DENND2C: variants seen among roughly 807,000 people sequenced by gnomAD.
DENND2C encodes DENN domain containing 2C, also known as DENN domain-containing protein 2C.
A neutral mutation model predicts 112.4 loss-of-function variants in DENND2C; 72 were observed. The observed-to-expected ratio is 0.64, with a 90% CI of 0.53 to 0.78. The LOEUF (loss-of-function observed/expected upper bound fraction) is 0.78. DENND2C is among the 30% of genes least tolerant of loss of function. The pLI is 0.00. For synonymous variants in DENND2C, 329 were observed against 381.6 expected (o/e 0.86, Z 1.61); for missense variants, 992 against 1,113.8 (o/e 0.89, Z 1.56).
intron 8 of DENND2C, among the ~76,000 whole-genome samples, chr1:114,617,929 GAAAC>G (rs1656020604): frequency 6.6e-6 from 1 of 151,732 alleles, no homozygotes; most frequent in Non-Finnish European, 1.5e-5. Flanking sequence ...ATGGATTTGA[GAAAC>G]AATCCCTTAT....
chr1:114,611,255 GGTTGT>G, intron 8 of DENND2C, 138 bp from the exon 9 acceptor site: 3 of 911,518 alleles, frequency 3.3e-6, no homozygotes, highest in Non-Finnish European at 5.0e-6. Context: ...CAAACCACTT[GGTTGT>G]ATCAAGTTGG....
chr1:114,602,080 T>A (rs1266338950), intron 12 of DENND2C, 45 bp downstream of exon 12: 1 of 1,595,876 alleles, frequency 6.3e-7, no homozygotes, highest in Non-Finnish European at 8.6e-7. Context: ...TCTGACTCAA[T>A]TATTCCTTGA....
chr1:114,612,395 A>G (rs998440988), intron 8 of DENND2C, among the ~76,000 whole-genome samples: 30 of 149,386 alleles, frequency 2.0e-4, no homozygotes, highest in African/African-American at 7.4e-4. Flanking sequence ...TCTGCTGCAC[A>G]GGCTACAGTG....
At chr1:114,660,613 C>T (rs1024126346) in intron 1 of DENND2C, among the ~76,000 whole-genome samples, 2 of 152,096 alleles carry the variant, frequency 1.3e-5, no homozygotes, top group African/African-American at 2.4e-5. Flanking sequence ...GAGACTTGCA[C>T]GGGAGGCTGG....
rs761802331 is a variant in DENND2C at position 114,601,531 on chromosome 1, C to G, written c.1792G>C (p.Gly598Arg). 4 of 1,612,972 alleles carry G rather than the reference C, an allele frequency of 2.5e-6. No homozygotes were observed. The highest frequency in any genetic ancestry group is 2.2e-5 in the South Asian group (2 of 90,882). ...ACCTTTGAAAAAAGATTGAAGCAGC[C>G]TAGGCGACTAACCATGCAGTATACC... is the stretch of plus-strand genomic sequence containing the variant. ...PEVYCMVSRLGCFNLFSKILD... is the reference protein window; with the variant it reads ...PEVYCMVSRLRCFNLFSKILD... The change falls in exon 13 of 21, where the codon GGC becomes CGC. Residue 598 changes from glycine (G) to arginine (R), a missense_variant. Physicochemically the swap from Gly to Arg is moderately radical, Grantham distance 125 (BLOSUM62 -2). Around this residue, in one of 3 missense-constraint regions of DENND2C, gnomAD observed 516 missense variants for 623.6 expected, o/e 0.83. Coordinates refer to ENST00000393274, the MANE Select transcript of DENND2C (RefSeq NM_001256404.2).
chr1:114,654,434 C>T (rs1657250763), intron 2 of DENND2C, 71 bp downstream of exon 2: 1 of 151,482 alleles, frequency 6.6e-6, no homozygotes, highest in Non-Finnish European at 1.5e-5. Context: ...ACAGCCGTCT[C>T]AAAAAAATAA....
At chr1:114,586,111 A>G (rs1317127181) in intron 20 of DENND2C, among the ~76,000 whole-genome samples, 1 of 152,188 alleles carries the variant, frequency 6.6e-6, no homozygotes, top group Non-Finnish European at 1.5e-5. Context: ...ACAAAATATA[A>G]ATATCGTAGC....
chr1:114,606,111 C>T (rs1655652102), intron 10 of DENND2C, among the ~76,000 whole-genome samples: 1 of 152,092 alleles, frequency 6.6e-6, no homozygotes, highest in African/African-American at 2.4e-5. Context: ...GGAGGTCTTG[C>T]CATGTTGCCC....
Position 114,625,509 on chromosome 1 carries a change from T to C in DENND2C, c.476A>G (p.Asp159Gly), listed in dbSNP as rs772591584. ...LWKKIEALPP[D>G]KLLNLALEHC... Reference sequence around the variant, plus strand: ...TTCTAAAGCCAAATTTAAGAGTTTATCTGGGGGAAGTGCTTCTATTTTCTT... The same window carrying C: ...TTCTAAAGCCAAATTTAAGAGTTTACCTGGGGGAAGTGCTTCTATTTTCTT... Residue 159 changes from aspartate to glycine, a missense_variant, in exon 4 of 21, where the codon GAT (aspartate) becomes GGT (glycine). Around this residue, in one of 3 missense-constraint regions of DENND2C, gnomAD observed 470 missense variants for 472.7 expected, o/e 0.99. Transcript: ENST00000393274. 2 of 1,614,142 alleles carry C rather than the reference T, an allele frequency of 1.2e-6. No individual in the cohort carries two copies. The highest frequency in any genetic ancestry group is 1.7e-6 in the Non-Finnish European group (2 of 1,180,016).
At position 114,608,784 on chromosome 1, in the gene DENND2C, C is replaced by G; in HGVS notation, c.1459G>C (p.Glu487Gln). ...ACAAAAAGTTCAAACAGCTGCTGCTCCTGTAATTCAATAAGATCCCGCTCC... is the reference window on the plus strand; with the variant it reads ...ACAAAAAGTTCAAACAGCTGCTGCTGCTGTAATTCAATAAGATCCCGCTCC... ...TLERDLIELQ[E>Q]QQLFELFVVV... The change falls in exon 10 of 21, where the codon GAG becomes CAG. Residue 487 changes from glutamate (E) to glutamine (Q), a missense_variant. Glu to Gln is a conservative substitution (Grantham distance 29, BLOSUM62 2). This residue lies in a region of DENND2C where 516 missense variants were observed against 623.6 expected (regional missense o/e 0.83). Transcript: ENST00000393274. The G allele has an allele frequency of 1.2e-6, 2 of 1,614,196 alleles. No homozygotes were observed. Among genetic ancestry groups the G allele is most frequent in the Non-Finnish European group, 1.7e-6 (2 of 1,180,040 alleles).
At chr1:114,591,585 T>A (rs1655189792) in intron 18 of DENND2C, among the ~76,000 whole-genome samples, 1 of 152,166 alleles carries the variant, frequency 6.6e-6, no homozygotes. Context: ...CTCTTTTCCA[T>A]GGTGTCCCTT....
At chr1:114,608,624 A>C in intron 10 of DENND2C, 62 bp downstream of exon 10, 1 of 1,544,596 alleles carries the variant, frequency 6.5e-7, no homozygotes, top group Non-Finnish European at 8.8e-7. Context: ...AGAGGACAGG[A>C]AATACATGTA....
intron 1 of DENND2C, among the ~76,000 whole-genome samples, chr1:114,667,190 C>T (rs1219670600): frequency 1.3e-5 from 2 of 152,180 alleles, no homozygotes; most frequent in African/African-American, 2.4e-5. Flanking sequence ...TCTCTCTAAT[C>T]GTCCTCCCTA....
chr1:114,608,874 C>T lies in DENND2C; in HGVS notation c.1370-1G>A. ...AGTTGTGCTAAGCGTTTATGGCGAT[C>T]TGTAATGAAATCATGGAGAAATGTT... On this transcript the variant is annotated splice_acceptor_variant, in intron 9 of 20. Transcript: ENST00000393274. LOFTEE classifies it high-confidence loss of function. 1 of 1,614,106 alleles carries T rather than the reference C, an allele frequency of 6.2e-7. No homozygotes were observed. Among genetic ancestry groups the T allele is most frequent in the Non-Finnish European group, 8.5e-7 (1 of 1,180,016 alleles).
At chr1:114,594,975 C>G (rs1655303101) in intron 17 of DENND2C, among the ~76,000 whole-genome samples, 1 of 152,200 alleles carries the variant, frequency 6.6e-6, no homozygotes, top group Non-Finnish European at 1.5e-5. Context: ...ATGCGGAGGG[C>G]TGCTCTGAGG....
In DENND2C at chr1:114,585,709, GGTCA is replaced by G. The variant is rs781220380; in HGVS notation, c.2756-82_2756-79del. 9.6e-6 allele frequency: 14 copies of G among 1,452,352 alleles called. No individual in the cohort carries two copies. In the African/African-American group the frequency reaches 1.8e-4, roughly 19 times the overall value. 90.0% of individuals were successfully genotyped at this position (1,452,352 alleles called of 1,614,324 possible). On this transcript the variant is annotated intron_variant, in intron 20 of 20. Transcript: ENST00000393274. ...CATTATTTGAGGTAAGGGATTAACAGGTCAGTCATTCAGAACAGCCCAAGAGTTA... is the reference window on the plus strand; with the variant it reads ...CATTATTTGAGGTAAGGGATTAACAGGTCATTCAGAACAGCCCAAGAGTTA...
rs142296263 is a variant in DENND2C, at chr1:114,614,907, G to A, written c.1324+3479C>T. On this transcript the variant is annotated intron_variant, in intron 8 of 20. Transcript: ENST00000393274. The stretch of plus-strand genomic sequence containing the variant: ...CACACGCCTGTAATCACAGCTACTC[G>A]GGAGGCTGAGGCAGGAGAATTGCTT... Among the ~76,000 whole-genome samples the A allele has an allele frequency of 5.1e-3, 774 of 152,088 alleles. 5 individuals carry two copies. Among genetic ancestry groups the A allele is most frequent in the African/African-American group, 0.018 (747 of 41,514 alleles).
intron 2 of DENND2C, among the ~76,000 whole-genome samples, chr1:114,650,870 TA>T (rs1258014119): frequency 6.6e-6 from 1 of 152,106 alleles, no homozygotes; most frequent in African/African-American, 2.4e-5. Context: ...CATTTGACAA[TA>T]AAAGAGCAAC....
chr1:114,601,344 T>C (rs1235478430), intron 13 of DENND2C, among the ~76,000 whole-genome samples, 164 bp downstream of exon 13: 2 of 152,194 alleles, frequency 1.3e-5, no homozygotes, highest in Non-Finnish European at 2.9e-5. Context: ...GAAGATGATA[T>C]AGCAAGAGCA....
Sources: allele counts gnomAD v4.1 joint callset (sites outside exome capture counted in the v4.1 genomes callset), GRCh38; gene constraint gnomAD v4.1.1; regional missense constraint gnomAD v4.1.1; transcripts MANE v1.5; gene names NCBI Gene and HGNC (gene_info 2026-07-23, HGNC 2026-07-21).